UGGT2: variants seen among roughly 807,000 people sequenced by gnomAD.
UGGT2 encodes the protein UDP-glucose:glycoprotein glucosyltransferase 2.
A neutral mutation model predicts 192.1 loss-of-function variants in UGGT2; 180 were observed. That is an observed-to-expected ratio of 0.94 (90% CI 0.83 to 1.06). The LOEUF (loss-of-function observed/expected upper bound fraction) is 1.06, where lower values mean the gene tolerates loss of function less well. Ranked by LOEUF, UGGT2 falls within the 50% of genes least tolerant of loss-of-function variation. The pLI is 0.00. For synonymous variants in UGGT2, 580 were observed against 591.0 expected, an observed-to-expected ratio of 0.98 and a Z score of 0.27; for missense variants, 1,849 against 1,795.7, an observed-to-expected ratio of 1.03 and a Z score of -0.54.
At chr13:95,809,796 C>A (rs1176661116) in intron 38 of UGGT2, among the ~76,000 whole-genome samples, 3 of 152,200 alleles carry the variant, frequency 2.0e-5, no homozygotes, top group Non-Finnish European at 2.9e-5. Flanking sequence ...ATCAAACCAT[C>A]CTTTGCTGGC....
intron 38 of UGGT2, among the ~76,000 whole-genome samples, chr13:95,828,871 G>A (rs986611078): frequency 6.6e-6 from 1 of 152,032 alleles, no homozygotes; most frequent in African/African-American, 2.4e-5. Flanking sequence ...AACAACAAAA[G>A]ATAATTTTAG....
At chr13:96,030,783 A>ATAAT (rs992423032) in intron 2 of UGGT2, among the ~76,000 whole-genome samples, 1 of 152,224 alleles carries the variant, frequency 6.6e-6, no homozygotes, top group Non-Finnish European at 1.5e-5. Context: ...AAACACATTA[A>ATAAT]TAAACACTTT....
intron 2 of UGGT2, among the ~76,000 whole-genome samples, chr13:96,029,189 T>C (rs1485381218): frequency 6.6e-6 from 1 of 152,296 alleles, no homozygotes; most frequent in African/African-American, 2.4e-5. Context: ...ATTTGTACCA[T>C]TCTTTTCCAC....
At chr13:96,039,514 T>C (rs1386301189) in intron 1 of UGGT2, among the ~76,000 whole-genome samples, 2 of 152,168 alleles carry the variant, frequency 1.3e-5, no homozygotes, top group Admixed American at 6.5e-5. Context: ...CTGCCAGGTT[T>C]CTGTCTTTCT....
intron 2 of UGGT2, among the ~76,000 whole-genome samples, chr13:96,029,089 G>A (rs541937149): frequency 6.6e-6 from 1 of 152,054 alleles, no homozygotes; most frequent in East Asian, 1.9e-4. Flanking sequence ...AGGCGGAGCT[G>A]GCAGTTAGCC....
chr13:96,048,842 A>T (rs888741000), intron 1 of UGGT2, among the ~76,000 whole-genome samples: 20 of 151,664 alleles, frequency 1.3e-4, no homozygotes, highest in Non-Finnish European at 2.7e-4. Flanking sequence ...AGGCAATAAT[A>T]GCCTACCAAA....
chr13:95,832,831 T>C, intron 38 of UGGT2, 96 bp downstream of exon 38: 1 of 1,529,336 alleles, frequency 6.5e-7, no homozygotes, highest in Non-Finnish European at 8.9e-7. Flanking sequence ...AAATTCTTAA[T>C]CATTTTATAA....
intron 27 of UGGT2, among the ~76,000 whole-genome samples, chr13:95,880,380 A>T (rs1044415545): frequency 1.2e-4 from 19 of 152,222 alleles, no homozygotes; most frequent in Non-Finnish European, 2.5e-4. Context: ...GTGGAGATGG[A>T]TAAATGATAG....
chr13:95,856,380 G>C (rs371730845), intron 33 of UGGT2, 40 bp from the exon 34 acceptor site: 1 of 1,569,696 alleles, frequency 6.4e-7, no homozygotes, highest in Non-Finnish European at 8.6e-7. Context: ...ATGTTCAAGA[G>C]AAAGTAGTTT....
intron 1 of UGGT2, among the ~76,000 whole-genome samples, chr13:96,039,002 A>G (rs2053087511): frequency 6.6e-6 from 1 of 152,336 alleles, no homozygotes; most frequent in South Asian, 2.1e-4. Context: ...ATGGAGAGAC[A>G]GGCATAGGAT....
At chr13:95,987,277 G>C (rs1436131255) in intron 8 of UGGT2, among the ~76,000 whole-genome samples, 2 of 152,020 alleles carry the variant, frequency 1.3e-5, no homozygotes, top group Non-Finnish European at 2.9e-5. Flanking sequence ...AATTATCTTT[G>C]ACTCCTTTTC....
chr13:95,809,501 G>A, intron 38 of UGGT2: 1 of 346,452 alleles, frequency 2.9e-6, no homozygotes, highest in Non-Finnish European at 5.7e-6. Context: ...GCCTTTTCTG[G>A]CTTAGTTTCC....
intron 17 of UGGT2, among the ~76,000 whole-genome samples, chr13:95,928,552 A>G (rs970963275): frequency 6.6e-6 from 1 of 151,716 alleles, no homozygotes; most frequent in Non-Finnish European, 1.5e-5. Context: ...CTCAGTTCCC[A>G]GACGGGGTCG....
intron 20 of UGGT2, among the ~76,000 whole-genome samples, chr13:95,924,738 G>A (rs2048966723): frequency 6.6e-6 from 1 of 152,004 alleles, no homozygotes; most frequent in Non-Finnish European, 1.5e-5. Flanking sequence ...ACGTTGTGAG[G>A]GCACTTAAGT....
intron 7 of UGGT2, among the ~76,000 whole-genome samples, chr13:95,995,570 T>A (rs1416919695): frequency 1.3e-5 from 2 of 152,032 alleles, no homozygotes; most frequent in African/African-American, 4.8e-5. Context: ...TTCCTGAAAT[T>A]TGTGCTAAGG....
At chr13:95,927,880 C>T (rs2049082607) in intron 17 of UGGT2, among the ~76,000 whole-genome samples, 2 of 152,174 alleles carry the variant, frequency 1.3e-5, no homozygotes, top group Admixed American at 1.3e-4. Flanking sequence ...AACGAACATG[C>T]TGCCTTGCAG....
At chr13:95,857,190 T>C (rs985886092) in intron 33 of UGGT2, among the ~76,000 whole-genome samples, 1 of 152,040 alleles carries the variant, frequency 6.6e-6, no homozygotes, top group Non-Finnish European at 1.5e-5. Flanking sequence ...ATCTTGAAAT[T>C]AGGGGTACAA....
chr13:96,035,280 T>C (rs978031527), intron 1 of UGGT2, among the ~76,000 whole-genome samples: 1 of 152,186 alleles, frequency 6.6e-6, no homozygotes, highest in Non-Finnish European at 1.5e-5. Flanking sequence ...AAGCATCTGA[T>C]ATTTGACAAA....
intron 7 of UGGT2, chr13:95,990,334 C>G (rs2051417502): frequency 4.9e-6 from 1 of 205,206 alleles, no homozygotes; most frequent in African/African-American, 2.3e-5. Flanking sequence ...CAACTGTAAG[C>G]GATGCAAGGA....
Sources: gnomAD v4.1 joint callset for allele counts (sites outside exome capture counted in the v4.1 genomes callset) on GRCh38, gnomAD v4.1.1 for gene constraint, MANE v1.5 for transcripts, NCBI Gene and HGNC (gene_info 2026-07-23, HGNC 2026-07-21) for gene names.